Variants in PRDM16 observed in about 807,000 individuals in gnomAD.
PRDM16 encodes the protein histone-lysine N-methyltransferase PRDM16.
PRDM16 carries 23 observed loss-of-function variants against 110.6 expected under a neutral mutation model. The ratio of observed to expected loss-of-function variants is 0.21; its 90% confidence interval spans 0.15 to 0.29. The LOEUF (loss-of-function observed/expected upper bound fraction) is 0.29. Ranked by LOEUF, PRDM16 falls within the 10% of genes least tolerant of loss-of-function variation. The pLI is 1.00. For missense variants in PRDM16, 1,615 were observed against 1,794.3 expected (o/e 0.90, Z 1.81); for synonymous variants, 799 against 781.8 (o/e 1.02, Z -0.37).
intron 3 of PRDM16, among the ~76,000 whole-genome samples, chr1:3,362,839 A>C (rs1397295782): frequency 6.6e-6 from 1 of 151,938 alleles, no homozygotes; most frequent in East Asian, 1.9e-4. Context: ...AGCCATAGGG[A>C]GTGTCGGGGA....
At chr1:3,312,362 T>C (rs1641482106) in intron 3 of PRDM16, among the ~76,000 whole-genome samples, 2 of 152,082 alleles carry the variant, frequency 1.3e-5, no homozygotes, top group Admixed American at 1.3e-4. Context: ...GACATGAGGA[T>C]CACTGGGACA....
chr1:3,119,340 G>T (rs1643039578), intron 1 of PRDM16, among the ~76,000 whole-genome samples: 1 of 152,244 alleles, frequency 6.6e-6, no homozygotes, highest in Non-Finnish European at 1.5e-5. Flanking sequence ...TGGCCCTCTG[G>T]GGTCTGGTTA....
intron 3 of PRDM16, among the ~76,000 whole-genome samples, chr1:3,351,754 CCT>C (rs1169234177): frequency 7.9e-6 from 1 of 126,912 alleles, no homozygotes; most frequent in Non-Finnish European, 1.7e-5. Context: ...CTCTCCCCCC[CCT>C]CTGTTTCTCT....
chr1:3,140,953 T>C (rs1035527846), intron 1 of PRDM16, among the ~76,000 whole-genome samples: 2 of 152,162 alleles, frequency 1.3e-5, no homozygotes, highest in African/African-American at 4.8e-5. Context: ...TTACTCCCGA[T>C]ACGGATCCCT....
chr1:3,097,040 G>A (rs143596072), intron 1 of PRDM16, among the ~76,000 whole-genome samples: 92 of 152,288 alleles, frequency 6.0e-4, no homozygotes, highest in African/African-American at 2.1e-3. Context: ...CATCGGGTGC[G>A]TGTGCTCCTG....
intron 3 of PRDM16, among the ~76,000 whole-genome samples, chr1:3,384,576 C>G (rs945172439): frequency 6.6e-6 from 1 of 152,232 alleles, no homozygotes; most frequent in Non-Finnish European, 1.5e-5. Context: ...TCGCGTGTGA[C>G]TTTGCGGGCG....
chr1:3,241,932 C>T (rs1363561029), intron 2 of PRDM16, among the ~76,000 whole-genome samples: 2 of 152,188 alleles, frequency 1.3e-5, no homozygotes, highest in Non-Finnish European at 2.9e-5. Context: ...GTCACGCTAG[C>T]CCCCTCCGAA....
chr1:3,197,540 C>G (rs1014053272), intron 2 of PRDM16, among the ~76,000 whole-genome samples: 4 of 152,238 alleles, frequency 2.6e-5, no homozygotes, highest in Admixed American at 6.5e-5. Flanking sequence ...CCGGGATCAG[C>G]TTTGTGCTGC....
intron 10 of PRDM16, among the ~76,000 whole-genome samples, chr1:3,415,774 C>G (rs376298403): frequency 1.1e-4 from 16 of 152,338 alleles, no homozygotes; most frequent in African/African-American, 3.6e-4. Flanking sequence ...GTCCCTGCAG[C>G]CCGGAGCCAG....
At position 3,245,851 on chromosome 1, in the gene PRDM16, A is replaced by G. The variant is rs1348603616; in HGVS notation, c.438+1714A>G. Among the ~76,000 whole-genome samples the G allele has an allele frequency of 1.3e-5, 2 of 152,106 alleles. No individual in the cohort carries two copies. Among genetic ancestry groups the G allele is most frequent in the African/African-American group, 4.8e-5 (2 of 41,414 alleles). The stretch of plus-strand genomic sequence containing the variant: ...ACCTGCAGTTAGTGCGAATCCCTCA[A>G]GTTCTCGAGGGAGCCTGAAATCACT... On this transcript the variant is annotated intron_variant, in intron 3 of 16. Transcript: ENST00000270722. This position sits in a 1 kb window ranked among gnomAD's most constrained non-coding sequence, Gnocchi z 4.7.
At chr1:3,270,903 A>G (rs1640438257) in intron 3 of PRDM16, among the ~76,000 whole-genome samples, 1 of 151,592 alleles carries the variant, frequency 6.6e-6, no homozygotes, top group Non-Finnish European at 1.5e-5. Flanking sequence ...GGAGGAGGGC[A>G]GTACAGAGGA....
chr1:3,428,646 T>C (rs1429814402), intron 14 of PRDM16, among the ~76,000 whole-genome samples: 1 of 152,194 alleles, frequency 6.6e-6, no homozygotes, highest in Non-Finnish European at 1.5e-5. Flanking sequence ...GAACGTTCCC[T>C]GGGCCTCCTG....
chr1:3,118,837 T>G (rs997070558), intron 1 of PRDM16, among the ~76,000 whole-genome samples: 2 of 152,342 alleles, frequency 1.3e-5, no homozygotes. Flanking sequence ...TGTGTGCACT[T>G]GCAGGTGTTT....
intron 1 of PRDM16, among the ~76,000 whole-genome samples, chr1:3,121,195 C>G (rs985826275): frequency 6.6e-6 from 1 of 152,128 alleles, no homozygotes. Context: ...CCCCGAGCTG[C>G]GTAAGATCAG....
Position 3,179,202 on chromosome 1 carries a change from C to T in PRDM16, c.38-6923C>T, listed in dbSNP as rs985087921. On this transcript the variant is annotated intron_variant, in intron 1 of 16. Transcript: ENST00000270722. ...CTGATGGTTGTGGGGAATGTGTAGC[C>T]GATCCCAACCAAAATAAGAGGGCTC... 8.5e-5 allele frequency among the ~76,000 whole-genome samples: 13 copies of T among 152,356 alleles called. 1 individual carries two copies. The East Asian group carries it at 2.5e-3, about 30-fold the overall frequency.
intron 1 of PRDM16, among the ~76,000 whole-genome samples, chr1:3,112,730 G>T (rs868371747): frequency 6.6e-6 from 1 of 152,254 alleles, no homozygotes; most frequent in Non-Finnish European, 1.5e-5. Context: ...GCTCCCCGGT[G>T]AGGGTTTCTG....
At chr1:3,084,685 T>C (rs1343349202) in intron 1 of PRDM16, among the ~76,000 whole-genome samples, 3 of 152,144 alleles carry the variant, frequency 2.0e-5, no homozygotes, top group Non-Finnish European at 4.4e-5. Flanking sequence ...TGCCAGCGCT[T>C]ATATCTAGGG....
At chr1:3,114,253 C>A (rs369291683) in intron 1 of PRDM16, among the ~76,000 whole-genome samples, 8 of 143,022 alleles carry the variant, frequency 5.6e-5, no homozygotes, top group Non-Finnish European at 1.2e-4. Context: ...AACATGCACA[C>A]GCACGCGCAC....
chr1:3,081,454 A>G lies in PRDM16; in HGVS notation c.37+12158A>G, dbSNP rs1284198456. Among the ~76,000 whole-genome samples, 1 of 152,162 alleles carries G rather than the reference A, an allele frequency of 6.6e-6. No individual in the cohort carries two copies. The highest frequency in any genetic ancestry group is 1.5e-5 in the Non-Finnish European group (1 of 68,006). The stretch of plus-strand genomic sequence containing the variant: ...TGGAGAGCCCCCTCCTTGTCCCACC[A>G]GACCGAGCTGTGGCCGTGTGAGGAG... On this transcript the variant is annotated intron_variant, in intron 1 of 16. Coordinates refer to ENST00000270722, the MANE Select transcript of PRDM16 (RefSeq NM_022114.4). The surrounding 1 kb of genome is among the most constrained non-coding windows in gnomAD (Gnocchi z 4.6).
Sources: allele counts gnomAD v4.1 joint callset (sites outside exome capture counted in the v4.1 genomes callset), GRCh38; gene constraint gnomAD v4.1.1; non-coding constraint Gnocchi (gnomAD v3.1); transcripts MANE v1.5; gene names NCBI Gene and HGNC (gene_info 2026-07-23, HGNC 2026-07-21).